Variants in ZNF793 observed in about 807,000 individuals in gnomAD.
The protein encoded by ZNF793 is zinc finger protein 793.
A neutral mutation model predicts 12.4 loss-of-function variants in ZNF793; 5 were observed. The ratio of observed to expected loss-of-function variants is 0.40; its 90% CI spans 0.21 to 0.84. The LOEUF (loss-of-function observed/expected upper bound fraction) is 0.84, where lower values mean the gene tolerates loss of function less well. ZNF793 is among the 40% of genes least tolerant of loss of function. The probability of loss-of-function intolerance (pLI) is 0.35; values close to 1 mark genes in which losing one functional copy is unlikely to be tolerated. For synonymous variants in ZNF793, 162 were observed against 172.4 expected (o/e 0.94, Z 0.47); for missense variants, 456 against 495.0 (o/e 0.92, Z 0.75).
Position 37,538,194 on chromosome 19 carries a change from C to T in ZNF793, c.*315C>T, listed in dbSNP as rs979886982. 2.0e-4 allele frequency: 46 copies of T among 235,796 alleles called. No homozygotes were observed. The highest frequency in any genetic ancestry group is 1.6e-3 in the Middle Eastern group (1 of 620). 14.6% of individuals were successfully genotyped at this position (235,796 alleles called of 1,614,324 possible). ...CCTCCCAAAGTGCTGGGATTACAGG[C>T]GTGAGCCACCGCGCCTGGCCGGTAT... On this transcript the variant is annotated 3_prime_UTR_variant, in exon 8 of 8. Transcript: ENST00000627814.
Position 37,537,390 on chromosome 19 carries a change from G to T in ZNF793, c.732G>T (p.Arg244Ser), listed in dbSNP as rs778875902. 3.1e-6 allele frequency: 5 copies of T among 1,612,938 alleles called. No individual in the cohort carries two copies. In the Admixed American group the frequency reaches 6.7e-5, roughly 22 times the overall value. The change falls in exon 8 of 8, where the codon AGG becomes AGT. Residue 244 changes from arginine to serine, a missense_variant. Transcript: ENST00000627814. ...TCTGCTACAAGTCTGAATTCATTAG[G>T]CATCAGAGAAGTCACACTGGGGAGA... ...KAFCYKSEFI[R>S]HQRSHTGEKP...
chr19:37,509,344 T>C (rs1406327171), intron 2 of ZNF793, among the ~76,000 whole-genome samples: 1 of 152,238 alleles, frequency 6.6e-6, no homozygotes, highest in Non-Finnish European at 1.5e-5. Flanking sequence ...TGACTTTCTA[T>C]TTCTGAGTTA....
In ZNF793 at chr19:37,540,856, C is replaced by G. The variant is rs570886414; in HGVS notation, c.*2977C>G. ...TATATGTACTTCTTTTGGAATTACACTAAATCTCAATGATTTTTTGACAAT... is the reference window on the plus strand; with the variant it reads ...TATATGTACTTCTTTTGGAATTACAGTAAATCTCAATGATTTTTTGACAAT... On this transcript the variant is annotated 3_prime_UTR_variant, in exon 8 of 8. Transcript: ENST00000627814. 6.6e-6 allele frequency: 1 copy of G among 151,612 alleles called. No individual in the cohort carries two copies. The highest frequency in any genetic ancestry group is 2.4e-5 in the African/African-American group (1 of 41,316). 9.4% of individuals were successfully genotyped at this position (151,612 alleles called of 1,614,324 possible). A position where few individuals can be genotyped will look rare whatever the true frequency, so the allele number is the denominator to read the frequency against.
intron 5 of ZNF793, among the ~76,000 whole-genome samples, chr19:37,531,181 G>GT (rs2042457309): frequency 7.5e-6 from 1 of 132,708 alleles, no homozygotes; most frequent in Non-Finnish European, 1.7e-5. Flanking sequence ...GTTTTTTTTT[G>GT]TTTGAGTCAG....
intron 5 of ZNF793, among the ~76,000 whole-genome samples, chr19:37,528,762 ACTT>A (rs1312204465): frequency 2.0e-5 from 3 of 152,126 alleles, no homozygotes; most frequent in South Asian, 4.2e-4. Context: ...GGCGGTCAAG[ACTT>A]CTTCTTTTCA....
chr19:37,537,689 G>A lies in ZNF793; in HGVS notation c.1031G>A (p.Cys344Tyr). The change falls in exon 8 of 8, where the codon TGT (cysteine) becomes TAT (tyrosine). Residue 344 changes from cysteine (C) to tyrosine (Y), a missense_variant. Physicochemically the swap from Cys to Tyr is radical, Grantham distance 194 (BLOSUM62 -2). Transcript: ENST00000627814. ...GAAAGACCGTATCGTTGCAGAGAAT[G>A]TGGAAAATCCTTCAGCCAGAAGTCA... Reference protein sequence around the residue: ...TGERPYRCRECGKSFSQKSCL... With the variant: ...TGERPYRCREYGKSFSQKSCL... 6.2e-7 allele frequency: 1 copy of A among 1,613,662 alleles called. No homozygotes were observed. The highest frequency in any genetic ancestry group is 8.5e-7 in the Non-Finnish European group (1 of 1,179,692).
At chr19:37,523,280 C>T (rs2042389205) in intron 4 of ZNF793, 130 bp from the exon 5 acceptor site, 2 of 728,598 alleles carry the variant, frequency 2.7e-6, no homozygotes, top group Non-Finnish European at 4.7e-6. Flanking sequence ...AGCCACCACA[C>T]CCAGCTAAAA....
chr19:37,533,615 T>C lies in ZNF793; in HGVS notation c.238+212T>C, dbSNP rs571325606. 36 of 510,952 alleles carry C rather than the reference T, an allele frequency of 7.0e-5. No individual in the cohort carries two copies. In the East Asian group the frequency reaches 1.1e-3, roughly 16 times the overall value. 31.7% of individuals were successfully genotyped at this position (510,952 alleles called of 1,614,324 possible). A position where few individuals can be genotyped will look rare whatever the true frequency, so the allele number is the denominator to read the frequency against. On this transcript the variant is annotated intron_variant, in intron 7 of 7. Coordinates refer to ENST00000627814, the MANE Select transcript of ZNF793 (RefSeq NM_001013659.3). ...CCTCTGCCCTTATGTGCTTGGTCCA[T>C]CTCTCTTTCTCCAGAATCTTTCCCA...
intron 2 of ZNF793, among the ~76,000 whole-genome samples, chr19:37,515,150 A>T (rs1253196369): frequency 6.6e-6 from 1 of 152,196 alleles, no homozygotes; most frequent in Non-Finnish European, 1.5e-5. Flanking sequence ...AAACAGAAGT[A>T]TTGGACAAGA....
intron 5 of ZNF793, among the ~76,000 whole-genome samples, chr19:37,524,618 G>C (rs2042399707): frequency 6.6e-6 from 1 of 152,196 alleles, no homozygotes; most frequent in Non-Finnish European, 1.5e-5. Flanking sequence ...GCATTTCAAG[G>C]CAGTTTTTGA....
intron 2 of ZNF793, among the ~76,000 whole-genome samples, chr19:37,509,236 C>T (rs138071721): frequency 9.7e-4 from 147 of 152,270 alleles, no homozygotes; most frequent in African/African-American, 3.2e-3. Context: ...TTACCCGCTT[C>T]CTACCCTCCC....
chr19:37,517,002 C>T (rs191663493), intron 2 of ZNF793, among the ~76,000 whole-genome samples: 1 of 152,160 alleles, frequency 6.6e-6, no homozygotes, highest in Non-Finnish European at 1.5e-5. Flanking sequence ...CAAGTGGATT[C>T]TCCCCATAGT....
At chr19:37,523,949 A>ACCT (rs2042393942) in intron 5 of ZNF793, among the ~76,000 whole-genome samples, 1 of 151,984 alleles carries the variant, frequency 6.6e-6, no homozygotes, top group Admixed American at 6.6e-5. Context: ...CAGGAGTTTG[A>ACCT]GACCAGCCTG....
intron 5 of ZNF793, among the ~76,000 whole-genome samples, chr19:37,524,865 A>G (rs2042401462): frequency 6.6e-6 from 1 of 152,204 alleles, no homozygotes; most frequent in South Asian, 2.1e-4. Flanking sequence ...GATAGTAGAC[A>G]AAGTTCTTAA....
At chr19:37,513,924 A>G (rs989177983) in intron 2 of ZNF793, among the ~76,000 whole-genome samples, 5 of 152,216 alleles carry the variant, frequency 3.3e-5, no homozygotes, top group African/African-American at 1.2e-4. Context: ...GTTAGAAAAT[A>G]TATATGAGAA....
intron 5 of ZNF793, among the ~76,000 whole-genome samples, chr19:37,527,618 C>T (rs1372376028): frequency 6.6e-6 from 1 of 152,092 alleles, no homozygotes; most frequent in Admixed American, 6.6e-5. Context: ...TCAGGCAGTC[C>T]AGCCCCAATC....
At chr19:37,510,835 T>TACTCGGG (rs1331086097) in intron 2 of ZNF793, among the ~76,000 whole-genome samples, 3 of 151,818 alleles carry the variant, frequency 2.0e-5, no homozygotes, top group African/African-American at 7.2e-5. Context: ...TAGCTGGGAC[T>TACTCGGG]ACAGGTGCCC....
chr19:37,531,139 G>A (rs888757651), intron 5 of ZNF793, among the ~76,000 whole-genome samples: 14 of 151,554 alleles, frequency 9.2e-5, no homozygotes, highest in African/African-American at 2.4e-4. Flanking sequence ...AGTTTCCATT[G>A]TCCTAAAGTC....
rs777047649 is a variant in ZNF793, at chr19:37,538,063, C to G, written c.*184C>G. 4.8e-6 allele frequency: 3 copies of G among 626,562 alleles called. No individual in the cohort carries two copies. The highest frequency in any genetic ancestry group is 7.7e-6 in the Non-Finnish European group (3 of 390,426). 38.8% of individuals were successfully genotyped at this position (626,562 alleles called of 1,614,324 possible). A position where few individuals can be genotyped will look rare whatever the true frequency, so the allele number is the denominator to read the frequency against. ...AGTAGCTGGGACTACAGGTGCCCAC[C>G]ACCATGCCCGGCTAATTTTTTTTTT... is the stretch of plus-strand genomic sequence containing the variant. On this transcript the variant is annotated 3_prime_UTR_variant, in exon 8 of 8. Transcript: ENST00000627814.
Sources: allele counts gnomAD v4.1 joint callset (sites outside exome capture counted in the v4.1 genomes callset), GRCh38; gene constraint gnomAD v4.1.1; transcripts MANE v1.5; gene names NCBI Gene and HGNC (gene_info 2026-07-23, HGNC 2026-07-21).